The following IPO11 variants were observed in gnomAD, a reference collection of about 807,000 sequenced individuals.
The protein encoded by IPO11 is importin-11.
Under a neutral mutation model 143.2 loss-of-function variants are expected in IPO11, and 66 were observed. That is an observed-to-expected ratio of 0.46 (90% CI 0.38 to 0.57). IPO11 has a LOEUF of 0.57. IPO11 is among the 20% of genes least tolerant of loss of function. The probability of loss-of-function intolerance (pLI) is 0.00; values close to 1 mark genes in which losing one functional copy is unlikely to be tolerated. For missense variants in IPO11, 1,026 were observed against 1,141.0 expected (o/e 0.90, Z 1.45); for synonymous variants, 385 against 377.8 (o/e 1.02, Z -0.22).
chr5:62,469,680 G>A (rs1344215797), intron 6 of IPO11, among the ~76,000 whole-genome samples: 4 of 152,126 alleles, frequency 2.6e-5, no homozygotes, highest in Non-Finnish European at 2.9e-5. Context: ...TATTACAACT[G>A]TAGACAATAG....
intron 1 of IPO11, among the ~76,000 whole-genome samples, chr5:62,420,309 A>G (rs1224861829): frequency 2.0e-5 from 3 of 151,836 alleles, no homozygotes; most frequent in African/African-American, 7.2e-5. Context: ...AAAAAAAAAA[A>G]AGTATAATGT....
chr5:62,455,956 C>G (rs1294807278), intron 5 of IPO11, among the ~76,000 whole-genome samples: 2 of 152,122 alleles, frequency 1.3e-5, no homozygotes, highest in African/African-American at 4.8e-5. Flanking sequence ...AACTCCTAGC[C>G]TCAAGCGATC....
chr5:62,618,834 C>A (rs1031716191), intron 29 of IPO11, among the ~76,000 whole-genome samples: 2 of 152,168 alleles, frequency 1.3e-5, no homozygotes, highest in African/African-American at 2.4e-5. Context: ...CTCCTTCCCC[C>A]CAAAAGCCCC....
At chr5:62,455,713 T>G (rs943817157) in intron 5 of IPO11, among the ~76,000 whole-genome samples, 12 of 152,106 alleles carry the variant, frequency 7.9e-5, no homozygotes, top group African/African-American at 2.9e-4. Flanking sequence ...GAGCAAATTG[T>G]TTTGCAGTAA....
chr5:62,481,464 G>C (rs1318279161), intron 9 of IPO11, among the ~76,000 whole-genome samples: 2 of 152,118 alleles, frequency 1.3e-5, no homozygotes, highest in East Asian at 3.9e-4. Flanking sequence ...GAGTTTTTAG[G>C]ATGAAGGGCT....
At chr5:62,576,222 G>T in intron 27 of IPO11, 1 of 159,632 alleles carries the variant, frequency 6.3e-6, no homozygotes, top group Non-Finnish European at 1.4e-5. Context: ...TGGTTCCAGA[G>T]ACCCTGCTTA....
At chr5:62,455,373 A>T (rs796794624) in intron 5 of IPO11, among the ~76,000 whole-genome samples, 2 of 152,312 alleles carry the variant, frequency 1.3e-5, no homozygotes, top group African/African-American at 4.8e-5. Flanking sequence ...TACAAAAAAA[A>T]TTAGCTGGGC....
Position 62,598,382 on chromosome 5 carries a change from TGCTTGCTTGC to T in IPO11, c.2679-3381_2679-3372del, listed in dbSNP as rs1315749233. On this transcript the variant is annotated intron_variant, in intron 28 of 29. Coordinates refer to ENST00000325324, the MANE Select transcript of IPO11 (RefSeq NM_016338.5). ...TGAAACGACCCATAAATTGTTTGCT[TGCTTGCTTGC>T]TTTCTTTCTTTCTTTCTTTCTTTCT... is the stretch of plus-strand genomic sequence containing the variant. Among the ~76,000 whole-genome samples, 5 of 6,280 alleles carry T rather than the reference TGCTTGCTTGC, an allele frequency of 8.0e-4. 2 individuals carry two copies. Among genetic ancestry groups the T allele is most frequent in the Admixed American group, 4.0e-3 (2 of 498 alleles). The allele number at this position is 6,280 out of a possible 152,430, so 4.1% of individuals were successfully genotyped here. A position where few individuals can be genotyped will look rare whatever the true frequency, so the allele number is the denominator to read the frequency against.
At chr5:62,585,649 C>A (rs993875910) in intron 27 of IPO11, among the ~76,000 whole-genome samples, 9 of 151,858 alleles carry the variant, frequency 5.9e-5, no homozygotes, top group Non-Finnish European at 1.3e-4. Context: ...GGAAAAGATA[C>A]TAGATTTTGT....
chr5:62,593,279 A>G (rs1052045189), intron 28 of IPO11, among the ~76,000 whole-genome samples: 4 of 152,230 alleles, frequency 2.6e-5, no homozygotes, highest in Non-Finnish European at 5.9e-5. Flanking sequence ...TGGAAGAGGT[A>G]AGAATCTGAA....
chr5:62,617,073 G>A (rs986699219), intron 29 of IPO11, among the ~76,000 whole-genome samples: 4 of 152,118 alleles, frequency 2.6e-5, no homozygotes, highest in Non-Finnish European at 5.9e-5. Flanking sequence ...CAAGAGACTT[G>A]AGATTCTCAT....
chr5:62,555,479 A>ATTATTTATTTAT (rs138722983), intron 26 of IPO11, among the ~76,000 whole-genome samples: 2,616 of 137,230 alleles, frequency 0.019, 70 homozygotes, highest in African/African-American at 0.053. Context: ...CACCTGGCTA[A>ATTATTTATTTAT]TTATTTATTT....
intron 29 of IPO11, among the ~76,000 whole-genome samples, chr5:62,610,997 T>C (rs1561386601): frequency 6.6e-6 from 1 of 152,210 alleles, no homozygotes; most frequent in Non-Finnish European, 1.5e-5. Context: ...TTCTACCTGC[T>C]TCTCTAAGTT....
intron 1 of IPO11, among the ~76,000 whole-genome samples, chr5:62,435,206 ATATGTG>A (rs201394017): frequency 0.011 from 1,129 of 99,620 alleles, 54 homozygotes; most frequent in Middle Eastern, 0.033. Context: ...ATATGTATAT[ATATGTG>A]TATATATATA....
rs181458590 is a variant in IPO11, at chr5:62,614,459, G to T, written c.2763+12611G>T. 2.0e-3 allele frequency among the ~76,000 whole-genome samples: 309 copies of T among 152,338 alleles called. 2 individuals carry two copies. The highest frequency in any genetic ancestry group is 7.3e-3 in the African/African-American group (302 of 41,574). ...CAGGGAAGTGCTGCTGGCAGTAATG[G>T]GTGGGAGCCAAGGCTGTTGCTAAGT... On this transcript the variant is annotated intron_variant, in intron 29 of 29. Transcript: ENST00000325324.
At chr5:62,488,103 A>G (rs546417541) in intron 13 of IPO11, among the ~76,000 whole-genome samples, 1 of 152,364 alleles carries the variant, frequency 6.6e-6, no homozygotes, top group East Asian at 1.9e-4. Flanking sequence ...AAAGCAAAAC[A>G]GTAGTCATAC....
At chr5:62,550,985 T>C (rs1320321787) in intron 25 of IPO11, among the ~76,000 whole-genome samples, 2 of 148,914 alleles carry the variant, frequency 1.3e-5, no homozygotes, top group Non-Finnish European at 3.0e-5. Context: ...TAAAGTAATA[T>C]ATGAAATTGA....
intron 27 of IPO11, among the ~76,000 whole-genome samples, chr5:62,585,240 T>A (rs1744726309): frequency 6.6e-6 from 1 of 152,212 alleles, no homozygotes; most frequent in Non-Finnish European, 1.5e-5. Flanking sequence ...GTTTTTATGT[T>A]GTAGTGCAGT....
chr5:62,623,217 T>C lies in IPO11; in HGVS notation c.2764-3937T>C, dbSNP rs189385917. ...TTTGAAGACCACATGGTTAAATACA[T>C]TGTTGTAGATCAATTTTCCTTTAAG... On this transcript the variant is annotated intron_variant, in intron 29 of 29. Transcript: ENST00000325324. Among the ~76,000 whole-genome samples, 171 of 152,328 alleles carry C rather than the reference T, an allele frequency of 1.1e-3. 4 individuals are homozygous for C. The highest frequency in any genetic ancestry group is 0.011 in the Admixed American group (171 of 15,310).
Sources: allele counts gnomAD v4.1 joint callset (sites outside exome capture counted in the v4.1 genomes callset), GRCh38; gene constraint gnomAD v4.1.1; transcripts MANE v1.5; gene names NCBI Gene and HGNC (gene_info 2026-07-23, HGNC 2026-07-21).